TRIM2: variants seen among roughly 807,000 people sequenced by gnomAD.
TRIM2 encodes tripartite motif containing 2.
In TRIM2, 20 loss-of-function variants were observed where a neutral mutation model predicts 75.2. The ratio of observed to expected loss-of-function variants is 0.27; its 90% CI spans 0.19 to 0.39. The LOEUF (loss-of-function observed/expected upper bound fraction) is 0.39, where lower values mean the gene tolerates loss of function less well. Ranked by LOEUF, TRIM2 falls within the 10% of genes least tolerant of loss-of-function variation. The probability of loss-of-function intolerance (pLI) is 1.00; values close to 1 mark genes in which losing one functional copy is unlikely to be tolerated. For synonymous variants in TRIM2, 373 were observed against 388.3 expected (o/e 0.96, Z 0.46); for missense variants, 660 against 990.8 (o/e 0.67, Z 4.48).
intron 1 of TRIM2, among the ~76,000 whole-genome samples, chr4:153,186,341 TA>T (rs1311210920): frequency 9.9e-5 from 15 of 152,192 alleles, no homozygotes; most frequent in African/African-American, 3.1e-4. Context: ...AAGCTAACTT[TA>T]ACTAGAGATT....
At chr4:153,238,336 C>G (rs1560861647) in intron 1 of TRIM2, among the ~76,000 whole-genome samples, 1 of 152,090 alleles carries the variant, frequency 6.6e-6, no homozygotes, top group African/African-American at 2.4e-5. Context: ...CACATGACAT[C>G]ACACATTTCA....
intron 6 of TRIM2, among the ~76,000 whole-genome samples, chr4:153,301,029 G>A (rs1185141116): frequency 6.6e-6 from 1 of 151,802 alleles, no homozygotes; most frequent in African/African-American, 2.4e-5. Context: ...CATCTCTACT[G>A]AAAATACAAA....
At chr4:153,251,931 C>T (rs1750973114) in intron 1 of TRIM2, among the ~76,000 whole-genome samples, 1 of 126,012 alleles carries the variant, frequency 7.9e-6, no homozygotes, top group African/African-American at 3.8e-5. Context: ...AGTCACGCCA[C>T]TGCACTCCCA....
rs140853898 is a variant in TRIM2, at chr4:153,324,116, A to G, written c.1990A>G (p.Ile664Val). 165 of 1,612,472 alleles carry G rather than the reference A, an allele frequency of 1.0e-4. No individual in the cohort carries two copies. The highest frequency in any genetic ancestry group is 1.3e-4 in the Non-Finnish European group (152 of 1,179,572). ...FAAVNSNNEI[I>V]ITDFHNHSVK... ...AGCTGTAAATAGCAATAATGAGATT[A>G]TTATTACAGATTTCCATAATCATTC... The change falls in exon 10 of 12, where the codon ATT becomes GTT. Residue 664 changes from isoleucine (I) to valine (V), a missense_variant. Physicochemically the swap from Ile to Val is conservative, Grantham distance 29. This residue lies in a region of TRIM2 where 620 missense variants were observed against 891.0 expected (regional missense o/e 0.70). Coordinates refer to ENST00000338700, the MANE Select transcript of TRIM2 (RefSeq NM_015271.5).
chr4:153,193,172 C>T (rs1268916351), intron 1 of TRIM2, among the ~76,000 whole-genome samples: 3 of 143,904 alleles, frequency 2.1e-5, no homozygotes, highest in African/African-American at 8.0e-5. Flanking sequence ...CACTCTGTCG[C>T]CCAGGCTGGA....
chr4:153,292,950 A>G, intron 3 of TRIM2, 32 bp from the exon 4 acceptor site: 1 of 1,569,740 alleles, frequency 6.4e-7, no homozygotes, highest in South Asian at 1.2e-5. Flanking sequence ...CCCATGGCCC[A>G]GAACCAGGAA....
At position 153,337,696 on chromosome 4, in the gene TRIM2, G is replaced by C; in HGVS notation, c.*2730G>C. The C allele has an allele frequency of 1.0e-6, 1 of 985,862 alleles. No homozygotes were observed. The highest frequency in any genetic ancestry group is 1.2e-6 in the Non-Finnish European group (1 of 829,940). The allele number at this position is 985,862 out of a possible 1,614,324, so 61.1% of individuals were successfully genotyped here. A position where few individuals can be genotyped will look rare whatever the true frequency, so the allele number is the denominator to read the frequency against. ...TATGGAAAATGGTTTCTGGTAAACT[G>C]AGAAGGATATTAAAATAAGTGGCTT... On this transcript the variant is annotated 3_prime_UTR_variant, in exon 12 of 12. Transcript: ENST00000338700.
chr4:153,277,124 C>T (rs1337488677), intron 3 of TRIM2, among the ~76,000 whole-genome samples: 1 of 152,206 alleles, frequency 6.6e-6, no homozygotes, highest in Non-Finnish European at 1.5e-5. Context: ...TACCTCATCT[C>T]CCAGCATTCT....
At chr4:153,174,415 A>G (rs1323412627) in intron 1 of TRIM2, among the ~76,000 whole-genome samples, 1 of 151,428 alleles carries the variant, frequency 6.6e-6, no homozygotes, top group Non-Finnish European at 1.5e-5. Flanking sequence ...GGACATAAGC[A>G]CCTCCCAGGC....
chr4:153,252,276 A>G (rs1182693618), intron 1 of TRIM2, among the ~76,000 whole-genome samples: 5 of 151,958 alleles, frequency 3.3e-5, no homozygotes, highest in African/African-American at 7.3e-5. Flanking sequence ...GCTTTGTTCT[A>G]CTCTGGAGTT....
chr4:153,267,720 T>C (rs57029007), intron 1 of TRIM2, among the ~76,000 whole-genome samples: 137 of 152,286 alleles, frequency 9.0e-4, no homozygotes, highest in African/African-American at 3.2e-3. Context: ...ATATTAAATA[T>C]TAAACCTCTT....
In TRIM2 at chr4:153,175,043, C is replaced by T. The variant is rs1731277131; in HGVS notation, c.-49+21773C>T. Among the ~76,000 whole-genome samples, 4 of 151,538 alleles carry T rather than the reference C, an allele frequency of 2.6e-5. No homozygotes were observed. In the South Asian group the frequency reaches 8.4e-4, roughly 32 times the overall value. On this transcript the variant is annotated intron_variant, in intron 1 of 11. Transcript: ENST00000437508. The stretch of plus-strand genomic sequence containing the variant: ...TTTTTTTTTGAGACAGAGTTTTGCT[C>T]CTATTGCCCAGGTTAAGGTGCAGTG...
chr4:153,221,691 TGGAG>T (rs1012405634), intron 1 of TRIM2, among the ~76,000 whole-genome samples: 1 of 130,438 alleles, frequency 7.7e-6, no homozygotes, highest in Non-Finnish European at 1.6e-5. Context: ...GAAGGAAGGA[TGGAG>T]GGAGGAAGGA....
At chr4:153,164,289 C>T (rs1474129725) in intron 1 of TRIM2, among the ~76,000 whole-genome samples, 1 of 152,148 alleles carries the variant, frequency 6.6e-6, no homozygotes, top group East Asian at 1.9e-4. Flanking sequence ...CATTTACAGG[C>T]ATATACCACC....
intron 10 of TRIM2, among the ~76,000 whole-genome samples, chr4:153,325,018 C>T (rs193057070): frequency 1.3e-5 from 2 of 152,236 alleles, no homozygotes; most frequent in African/African-American, 4.8e-5. Context: ...GATAAGGAAA[C>T]AGCAGAGGAT....
At chr4:153,233,624 A>G (rs1034667126) in intron 1 of TRIM2, among the ~76,000 whole-genome samples, 2 of 151,948 alleles carry the variant, frequency 1.3e-5, no homozygotes, top group African/African-American at 2.4e-5. Flanking sequence ...AAAGGAGGAG[A>G]TGATGGTGTT....
intron 3 of TRIM2, among the ~76,000 whole-genome samples, chr4:153,285,508 A>C (rs988431316): frequency 6.6e-6 from 1 of 152,046 alleles, no homozygotes; most frequent in East Asian, 1.9e-4. Context: ...GGATTTTTTT[A>C]AAAAAATAGA....
chr4:153,204,608 G>A, intron 1 of TRIM2, 48 bp downstream of exon 1: 1 of 1,550,860 alleles, frequency 6.4e-7, no homozygotes, highest in African/African-American at 1.4e-5. Flanking sequence ...GGGCCAGCTG[G>A]TTAATCCGGG....
chr4:153,337,104 A>C lies in TRIM2; in HGVS notation c.*2138A>C, dbSNP rs1772542394. 1.0e-6 allele frequency: 1 copy of C among 985,334 alleles called. No individual in the cohort carries two copies. Among genetic ancestry groups the C allele is most frequent in the African/African-American group, 1.7e-5 (1 of 57,250 alleles). The allele number at this position is 985,334 out of a possible 1,614,324, so 61.0% of individuals were successfully genotyped here. ...GGGTGGGAATTTCATTTTGCCACGT[A>C]CTAACGTTCTGCACAAAAGACAGGC... On this transcript the variant is annotated 3_prime_UTR_variant, in exon 12 of 12. Transcript: ENST00000338700.
Sources: allele counts gnomAD v4.1 joint callset (sites outside exome capture counted in the v4.1 genomes callset), GRCh38; gene constraint gnomAD v4.1.1; regional missense constraint gnomAD v4.1.1; transcripts MANE v1.5; gene names NCBI Gene and HGNC (gene_info 2026-07-23, HGNC 2026-07-21).